WNT7A: variants seen among roughly 807,000 people sequenced by gnomAD.
WNT7A encodes the protein Wnt family member 7A, also known as protein Wnt-7a.
WNT7A carries 16 observed loss-of-function variants against 28.2 expected under a neutral mutation model. The ratio of observed to expected loss-of-function variants is 0.57; its 90% CI spans 0.38 to 0.86. The LOEUF (loss-of-function observed/expected upper bound fraction) is 0.86. Among genes scored for constraint, WNT7A ranks in the 40% least tolerant of loss-of-function variants. The probability of loss-of-function intolerance (pLI) is 0.00; values close to 1 mark genes in which losing one functional copy is unlikely to be tolerated. For missense variants in WNT7A, 411 were observed against 489.7 expected, an observed-to-expected ratio of 0.84 and a Z score of 1.52; for synonymous variants, 190 against 195.9, an observed-to-expected ratio of 0.97 and a Z score of 0.25.
chr3:13,878,857 T>C (rs1345552675), intron 1 of WNT7A, among the ~76,000 whole-genome samples: 1 of 152,002 alleles, frequency 6.6e-6, no homozygotes, highest in African/African-American at 2.4e-5. Context: ...CGCGTTGTCT[T>C]AAGTACAAAG....
chr3:13,857,089 G>A (rs1240561293), intron 2 of WNT7A, among the ~76,000 whole-genome samples: 1 of 152,172 alleles, frequency 6.6e-6, no homozygotes, highest in Non-Finnish European at 1.5e-5. Context: ...TGGGGCACAG[G>A]AACAGGCTCG....
rs749119820 is a variant in WNT7A, at chr3:13,868,820, G to GAT, written c.298+6126_298+6127insAT. 5.9e-4 allele frequency among the ~76,000 whole-genome samples: 18 copies of GAT among 30,270 alleles called. 1 individual carries two copies. The South Asian group carries it at 0.028, about 47-fold the overall frequency. 19.9% of individuals were successfully genotyped at this position (30,270 alleles called of 152,430 possible). A position where few individuals can be genotyped will look rare whatever the true frequency, so the allele number is the denominator to read the frequency against. ...AGAGAGAGAGAAAGAAAGAGAGAGA[G>GAT]AGAGAAAGAGAGAAAGAGAGAGAGA... On this transcript the variant is annotated intron_variant, in intron 2 of 3. Transcript: ENST00000285018.
chr3:13,875,337 C>A (rs759223690), intron 1 of WNT7A, among the ~76,000 whole-genome samples, 164 bp from the exon 2 acceptor site: 51 of 152,162 alleles, frequency 3.4e-4, no homozygotes, highest in Non-Finnish European at 6.8e-4. Flanking sequence ...AATAGAAACC[C>A]TATAATTTCT....
At chr3:13,870,225 T>C (rs1203641381) in intron 2 of WNT7A, among the ~76,000 whole-genome samples, 1 of 152,152 alleles carries the variant, frequency 6.6e-6, no homozygotes, top group Non-Finnish European at 1.5e-5. Flanking sequence ...AGAAGTATTA[T>C]AATTAAGTTA....
At chr3:13,848,089 T>A (rs1310937585) in intron 3 of WNT7A, among the ~76,000 whole-genome samples, 1 of 152,034 alleles carries the variant, frequency 6.6e-6, no homozygotes, top group Non-Finnish European at 1.5e-5. Flanking sequence ...GTCACAGAGT[T>A]AAATGCTAAA....
At chr3:13,866,984 A>G (rs1485019596) in intron 2 of WNT7A, among the ~76,000 whole-genome samples, 6 of 152,140 alleles carry the variant, frequency 3.9e-5, no homozygotes, top group Admixed American at 6.5e-5. Context: ...GTTTGGAGGT[A>G]GAGTCAAAAT....
intron 2 of WNT7A, among the ~76,000 whole-genome samples, chr3:13,860,851 A>G (rs796860249): frequency 2.6e-5 from 4 of 152,310 alleles, no homozygotes; most frequent in African/African-American, 7.2e-5. Flanking sequence ...GGTCTGTTCT[A>G]TTGCTGTGGA....
intron 2 of WNT7A, among the ~76,000 whole-genome samples, chr3:13,856,987 G>GAGA (rs111694534): frequency 0.071 from 5,021 of 71,188 alleles, 414 homozygotes; most frequent in African/African-American, 0.19. Context: ...GAAGAAGAAG[G>GAGA]AGAAGAAGAA....
intron 3 of WNT7A, among the ~76,000 whole-genome samples, chr3:13,823,309 A>G (rs1382317576): frequency 3.9e-5 from 6 of 152,186 alleles, no homozygotes. Context: ...GAGGGCTTTC[A>G]GGCTCAGGCT....
chr3:13,878,541 CT>C lies in WNT7A; in HGVS notation c.71+1204del, dbSNP rs1474369111. Among the ~76,000 whole-genome samples the C allele has an allele frequency of 4.6e-5, 7 of 152,202 alleles. No individual in the cohort carries two copies. The East Asian group carries it at 1.4e-3, about 30-fold the overall frequency. On this transcript the variant is annotated intron_variant, in intron 1 of 3. Transcript: ENST00000285018. ...CCGCCGCTGGTCGGGCTGGCGGCCC[CT>C]GGTCGGCTCTGCACGCACCTGCTAG... is the stretch of plus-strand genomic sequence containing the variant.
In WNT7A at chr3:13,816,374, A is replaced by G. The variant is rs1185495745; in HGVS notation, c.*2570T>C. ...CACAGGTGGAGAAACTGGGGCTCAG[A>G]GCACAGCTGAACAGGGCACCCGAGA... On this transcript the variant is annotated 3_prime_UTR_variant, in exon 4 of 4. Transcript: ENST00000285018. 6.6e-6 allele frequency: 1 copy of G among 152,272 alleles called. No homozygotes were observed. Among genetic ancestry groups the G allele is most frequent in the Non-Finnish European group, 1.5e-5 (1 of 68,090 alleles). 9.4% of individuals were successfully genotyped at this position (152,272 alleles called of 1,614,324 possible).
At position 13,874,291 on chromosome 3, in the gene WNT7A, G is replaced by A. The variant is rs527761745; in HGVS notation, c.298+656C>T. 8.5e-4 allele frequency among the ~76,000 whole-genome samples: 129 copies of A among 152,314 alleles called. 1 individual carries two copies. The highest frequency in any genetic ancestry group is 2.9e-3 in the African/African-American group (121 of 41,558). ...CCAGGGCCTCCTGGAGACCAGCATT[G>A]CTCTCTCTGACCCTTTTCCACCAGA... On this transcript the variant is annotated intron_variant, in intron 2 of 3. Coordinates refer to ENST00000285018, the MANE Select transcript of WNT7A (RefSeq NM_004625.4).
At chr3:13,835,421 C>T (rs890105418) in intron 3 of WNT7A, among the ~76,000 whole-genome samples, 1 of 152,254 alleles carries the variant, frequency 6.6e-6, no homozygotes, top group Non-Finnish European at 1.5e-5. Flanking sequence ...CGCTGTGAAC[C>T]CCTTTGGTGG....
At chr3:13,820,567 A>G (rs992171772) in intron 3 of WNT7A, among the ~76,000 whole-genome samples, 1 of 152,124 alleles carries the variant, frequency 6.6e-6, no homozygotes, top group Non-Finnish European at 1.5e-5. Flanking sequence ...TAACTCTAAC[A>G]TATAGTGAAG....
At chr3:13,868,586 G>GGA (rs1559306918) in intron 2 of WNT7A, among the ~76,000 whole-genome samples, 8 of 13,656 alleles carry the variant, frequency 5.9e-4, no homozygotes, top group African/African-American at 2.0e-3. Flanking sequence ...GAGAGAGAGA[G>GGA]AGAGGGAGAA....
chr3:13,819,462 T>C lies in WNT7A; in HGVS notation c.571-39A>G, dbSNP rs766447176. ...CGGGGAAGAGCACAGCACAGGTCACTGCACGCCAAGGCCAAGTGCAGCCCC... is the reference window on the plus strand; with the variant it reads ...CGGGGAAGAGCACAGCACAGGTCACCGCACGCCAAGGCCAAGTGCAGCCCC... On this transcript the variant is annotated intron_variant, in intron 3 of 3. Transcript: ENST00000285018. 10 of 1,600,924 alleles carry C rather than the reference T, an allele frequency of 6.2e-6. No homozygotes were observed. The South Asian group carries it at 7.7e-5, about 12-fold the overall frequency.
chr3:13,868,512 G>GAGAC (rs1694946781), intron 2 of WNT7A, among the ~76,000 whole-genome samples: 1 of 145,010 alleles, frequency 6.9e-6, no homozygotes. Flanking sequence ...AAGAAAGAGA[G>GAGAC]AGAGAAAGAA....
At chr3:13,843,125 GT>G (rs1213882226) in intron 3 of WNT7A, among the ~76,000 whole-genome samples, 1 of 152,166 alleles carries the variant, frequency 6.6e-6, no homozygotes, top group African/African-American at 2.4e-5. Context: ...CTTCTCTTGA[GT>G]CTGCTAGCAC....
At chr3:13,826,697 C>T (rs552544838) in intron 3 of WNT7A, among the ~76,000 whole-genome samples, 40 of 152,244 alleles carry the variant, frequency 2.6e-4, no homozygotes, top group Admixed American at 2.2e-3. Context: ...GTCCCTTCCA[C>T]AGAATAAAAC....
Sources: gnomAD v4.1 joint callset for allele counts (sites outside exome capture counted in the v4.1 genomes callset) on GRCh38, gnomAD v4.1.1 for gene constraint, MANE v1.5 for transcripts, NCBI Gene and HGNC (gene_info 2026-07-23, HGNC 2026-07-21) for gene names.